Variants in SRR observed in about 807,000 individuals in gnomAD.
The protein encoded by SRR is serine racemase, also known as D-serine ammonia-lyase.
SRR carries 19 observed loss-of-function variants against 32.7 expected under a neutral mutation model. That is an observed-to-expected ratio of 0.58 (90% confidence interval 0.40 to 0.85). The LOEUF (loss-of-function observed/expected upper bound fraction) is 0.85. Among genes scored for constraint, SRR ranks in the 40% least tolerant of loss-of-function variants. The pLI is 0.00. For missense variants in SRR, 373 were observed against 404.7 expected (o/e 0.92, Z 0.67); for synonymous variants, 142 against 140.9 (o/e 1.01, Z -0.06).
At chr17:2,322,337 GGGGC>G (rs2075536798) in intron 6 of SRR, among the ~76,000 whole-genome samples, 1 of 152,158 alleles carries the variant, frequency 6.6e-6, no homozygotes, top group Non-Finnish European at 1.5e-5. Flanking sequence ...TCCATACCAA[GGGGC>G]TACCCTTTTC....
Position 2,324,551 on chromosome 17 carries a change from T to A in SRR, c.*678T>A. ...TCTCCGGCCCCACTTCGTTCTCAGT[T>A]CCACTGGTTTAAACCACAGCACATC... On this transcript the variant is annotated 3_prime_UTR_variant, in exon 8 of 8. Coordinates refer to ENST00000344595, the MANE Select transcript of SRR (RefSeq NM_021947.3). The A allele has an allele frequency of 6.2e-7, 1 of 1,614,192 alleles. No individual in the cohort carries two copies. The highest frequency in any genetic ancestry group is 8.5e-7 in the Non-Finnish European group (1 of 1,180,032).
chr17:2,317,827 A>G (rs1156373600), intron 2 of SRR, 43 bp from the exon 3 acceptor site: 1 of 1,589,504 alleles, frequency 6.3e-7, no homozygotes, highest in East Asian at 2.3e-5. Context: ...TTCCAAAACA[A>G]TGTTTTAATC....
rs776923067 is a variant in SRR, at chr17:2,324,268, T to G, written c.*395T>G. 5 of 1,551,872 alleles carry G rather than the reference T, an allele frequency of 3.2e-6. No homozygotes were observed. The East Asian group carries it at 1.1e-4, about 35-fold the overall frequency. The stretch of plus-strand genomic sequence containing the variant: ...GCCAGGGTACTGGTTCTGGTACATA[T>G]GGATCATAAGTCCATTTGGGGAAGA... On this transcript the variant is annotated 3_prime_UTR_variant, in exon 8 of 8. Coordinates refer to ENST00000344595, the MANE Select transcript of SRR (RefSeq NM_021947.3).
chr17:2,316,963 C>G (rs1469572817), intron 2 of SRR, among the ~76,000 whole-genome samples: 1 of 146,652 alleles, frequency 6.8e-6, no homozygotes, highest in East Asian at 2.0e-4. Flanking sequence ...ACCTTGTGAT[C>G]CGCCCGCCTC....
chr17:2,323,749 C>T lies in SRR; in HGVS notation c.899C>T (p.Thr300Ile). 4 of 1,614,188 alleles carry T rather than the reference C, an allele frequency of 2.5e-6. No individual in the cohort carries two copies. The highest frequency in any genetic ancestry group is 3.4e-6 in the Non-Finnish European group (4 of 1,180,030). The change falls in exon 8 of 8, where the codon ACT becomes ATT. Residue 300 changes from threonine to isoleucine, a missense_variant. Coordinates refer to ENST00000344595, the MANE Select transcript of SRR (RefSeq NM_021947.3). ...GCTGTGCTGTCTCAACATTTTCAAA[C>T]TGTTTCCCCAGAAGTAAAGAACATT... ...VAAVLSQHFQ[T>I]VSPEVKNICI...
At chr17:2,317,717 A>G (rs751967466) in intron 2 of SRR, among the ~76,000 whole-genome samples, 153 bp from the exon 3 acceptor site, 5 of 152,210 alleles carry the variant, frequency 3.3e-5, no homozygotes, top group Non-Finnish European at 7.3e-5. Context: ...AAAATAAAAA[A>G]TAAAGATGCA....
chr17:2,317,485 C>T (rs1466628104), intron 2 of SRR, among the ~76,000 whole-genome samples: 3 of 150,964 alleles, frequency 2.0e-5, no homozygotes, highest in African/African-American at 7.3e-5. Flanking sequence ...GCACTGCAGC[C>T]CGGGCTACAA....
chr17:2,312,643 T>G (rs1026195139), intron 1 of SRR, among the ~76,000 whole-genome samples: 1 of 152,048 alleles, frequency 6.6e-6, no homozygotes, highest in Admixed American at 6.6e-5. Flanking sequence ...AAAAATGATA[T>G]AGGACGGATG....
In SRR at chr17:2,321,590, CTTGCTGGAATAGCAA is replaced by C; in HGVS notation, c.571_585del (p.Ala191_Ile195del). Reference sequence around the variant, plus strand: ...GGTACCTGTAGGTGGAGGAGGAATGCTTGCTGGAATAGCAATTACAGTTAAGGTGAGCAGCTTCTG... The same window carrying C: ...GGTACCTGTAGGTGGAGGAGGAATGCTTACAGTTAAGGTGAGCAGCTTCTG... On this transcript the variant is annotated inframe_deletion, in exon 6 of 8. Coordinates refer to ENST00000344595, the MANE Select transcript of SRR (RefSeq NM_021947.3). The C allele has an allele frequency of 6.2e-7, 1 of 1,614,030 alleles. No individual in the cohort carries two copies. The highest frequency in any genetic ancestry group is 8.5e-7 in the Non-Finnish European group (1 of 1,179,984).
At chr17:2,303,919 A>T, upstream of SRR, 11 of 302,268 alleles carry the variant, frequency 3.6e-5, no homozygotes, top group Non-Finnish European at 5.6e-5. Context: ...GACCGGAGCG[A>T]GAGCCTGGGT....
At chr17:2,306,901 G>A in intron 1 of SRR, 2 of 949,658 alleles carry the variant, frequency 2.1e-6, no homozygotes, top group South Asian at 1.3e-5. Context: ...GGTAATGAGA[G>A]ATCCAAACAC....
intron 1 of SRR, among the ~76,000 whole-genome samples, chr17:2,312,169 T>C (rs944424566): frequency 1.3e-5 from 2 of 148,734 alleles, no homozygotes; most frequent in Admixed American, 6.7e-5. Context: ...GGAGCCATAA[T>C]TGAGCCACTG....
intron 1 of SRR, among the ~76,000 whole-genome samples, chr17:2,314,837 T>C (rs900899246): frequency 1.5e-4 from 23 of 151,812 alleles, no homozygotes; most frequent in African/African-American, 5.6e-4. Context: ...CTATTTTTTC[T>C]TTATCAAATA....
intron 1 of SRR, chr17:2,309,868 C>T (rs942287138): frequency 1.3e-5 from 2 of 152,144 alleles, no homozygotes; most frequent in Non-Finnish European, 2.9e-5. Flanking sequence ...AGAAAATTCC[C>T]CTTCAGTGTG....
chr17:2,304,477 A>T (rs957983375), intron 1 of SRR, among the ~76,000 whole-genome samples: 3 of 150,308 alleles, frequency 2.0e-5, no homozygotes, highest in African/African-American at 7.4e-5. Context: ...TCCTGACCTC[A>T]GGTGATCCAC....
chr17:2,318,137 T>C (rs1189231810), intron 3 of SRR, 141 bp downstream of exon 3: 11 of 885,172 alleles, frequency 1.2e-5, no homozygotes. Flanking sequence ...TGAACATAAG[T>C]TTTTTTTTTG....
chr17:2,307,215 C>T, intron 1 of SRR: 2 of 1,324,822 alleles, frequency 1.5e-6, no homozygotes, highest in South Asian at 1.2e-5. Flanking sequence ...CCTTTGTAAC[C>T]TTTGATGATC....
In SRR at chr17:2,306,459, G is replaced by T. The variant is rs546292756; in HGVS notation, c.-5+2442G>T. On this transcript the variant is annotated intron_variant, in intron 1 of 7. Transcript: ENST00000344595. Reference sequence around the variant, plus strand: ...AGGCCAGGCCCCGTGGCTCATGCCTGTAATCCCAGCACTTTGGGAGGCCAA... The same window carrying T: ...AGGCCAGGCCCCGTGGCTCATGCCTTTAATCCCAGCACTTTGGGAGGCCAA... Among the ~76,000 whole-genome samples the T allele has an allele frequency of 1.3e-4, 20 of 152,286 alleles. No homozygotes were observed. In the South Asian group the frequency reaches 4.1e-3, roughly 32 times the overall value.
intron 6 of SRR, among the ~76,000 whole-genome samples, chr17:2,322,224 C>G (rs1401081762): frequency 6.6e-6 from 1 of 152,126 alleles, no homozygotes; most frequent in Non-Finnish European, 1.5e-5. Context: ...CCACCGCACC[C>G]AGCCAACTCT....
Sources: gnomAD v4.1 joint callset for allele counts (sites outside exome capture counted in the v4.1 genomes callset) on GRCh38, gnomAD v4.1.1 for gene constraint, MANE v1.5 for transcripts, NCBI Gene and HGNC (gene_info 2026-07-23, HGNC 2026-07-21) for gene names.